The following PARG variants were observed in gnomAD, a reference collection of about 807,000 sequenced individuals.
PARG encodes the protein mitochondrial poly(ADP-ribose) glycohydrolase.
In PARG, 35 loss-of-function variants were observed where a neutral mutation model predicts 113.0. The ratio of observed to expected loss-of-function variants is 0.31; its 90% confidence interval spans 0.24 to 0.41. PARG has a LOEUF of 0.41. Ranked by LOEUF, PARG falls within the 10% of genes least tolerant of loss-of-function variation. The probability of loss-of-function intolerance (pLI) is 1.00; values close to 1 mark genes in which losing one functional copy is unlikely to be tolerated. For missense variants in PARG, 797 were observed against 1,169.4 expected, an observed-to-expected ratio of 0.68 and a Z score of 4.64; for synonymous variants, 330 against 409.9, an observed-to-expected ratio of 0.81 and a Z score of 2.36.
chr10:49,890,445 AC>A (rs1847716457), intron 7 of PARG, among the ~76,000 whole-genome samples: 1 of 152,202 alleles, frequency 6.6e-6, no homozygotes, highest in Admixed American at 6.5e-5. Flanking sequence ...TGGCTGATAA[AC>A]AAATACCTGA....
chr10:49,858,921 A>G lies in PARG; in HGVS notation c.2206-1468T>C, dbSNP rs551121761. 3.3e-5 allele frequency among the ~76,000 whole-genome samples: 5 copies of G among 152,288 alleles called. No homozygotes were observed. In the East Asian group the frequency reaches 9.6e-4, roughly 29 times the overall value. On this transcript the variant is annotated intron_variant, in intron 12 of 17. Transcript: ENST00000616448. Reference sequence around the variant, plus strand: ...GAATCACTGGATACAAAGATGAATAAGGTATGTATGGTTCCTGGCCTCACG... The same window carrying G: ...GAATCACTGGATACAAAGATGAATAGGGTATGTATGGTTCCTGGCCTCACG...
intron 7 of PARG, among the ~76,000 whole-genome samples, chr10:49,912,675 G>A (rs1469390421): frequency 6.8e-6 from 1 of 147,636 alleles, no homozygotes; most frequent in Non-Finnish European, 1.5e-5. Flanking sequence ...AATAAAGAAC[G>A]CTTTATAGGC....
At chr10:49,887,707 T>C (rs1264421870) in intron 7 of PARG, among the ~76,000 whole-genome samples, 1 of 152,164 alleles carries the variant, frequency 6.6e-6, no homozygotes, top group Non-Finnish European at 1.5e-5. Flanking sequence ...CAATTTCACC[T>C]ACTGAGAGGC....
At chr10:49,821,569 A>G (rs1844079329) in intron 16 of PARG, among the ~76,000 whole-genome samples, 1 of 152,060 alleles carries the variant, frequency 6.6e-6, no homozygotes, top group Non-Finnish European at 1.5e-5. Context: ...TAGTAAAGAC[A>G]CGGTTTCACC....
chr10:49,927,369 G>GGAAAGAAAGAAAGAAAGAAA lies in PARG; in HGVS notation c.1455+4711_1456-4701dup, dbSNP rs200282973. 9.9e-4 allele frequency among the ~76,000 whole-genome samples: 130 copies of GGAAAGAAAGAAAGAAAGAAA among 130,760 alleles called. 1 individual carries two copies. Among genetic ancestry groups the GGAAAGAAAGAAAGAAAGAAA allele is most frequent in the Middle Eastern group, 3.8e-3 (1 of 266 alleles). 85.8% of individuals were successfully genotyped at this position (130,760 alleles called of 152,430 possible). The stretch of plus-strand genomic sequence containing the variant: ...AGGAAGGAAAGAAAGAAGGAAAGAA[G>GGAAAGAAAGAAAGAAAGAAA]GAAAGAAAGAAAGAAAGAAAGAAAG... On this transcript the variant is annotated intron_variant, in intron 4 of 17. Transcript: ENST00000616448.
chr10:49,890,260 G>A (rs754081828), intron 7 of PARG, among the ~76,000 whole-genome samples: 3 of 152,070 alleles, frequency 2.0e-5, no homozygotes, highest in Non-Finnish European at 4.4e-5. Flanking sequence ...TGATCTGTGC[G>A]TGTGCGCGTG....
At chr10:49,891,624 T>TATATA (rs1491390977) in intron 7 of PARG, among the ~76,000 whole-genome samples, 1 of 43,366 alleles carries the variant, frequency 2.3e-5, no homozygotes, top group African/African-American at 1.1e-4. Context: ...TATATATATA[T>TATATA]TTTTTTTTTT....
At chr10:49,822,535 A>C (rs577411259) in intron 16 of PARG, among the ~76,000 whole-genome samples, 12 of 152,368 alleles carry the variant, frequency 7.9e-5, no homozygotes, top group Admixed American at 7.2e-4. Context: ...GGAGAAAGCC[A>C]AAGACTAACT....
At chr10:49,937,430 C>G (rs1344229230) in intron 1 of PARG, among the ~76,000 whole-genome samples, 1 of 151,028 alleles carries the variant, frequency 6.6e-6, no homozygotes, top group Non-Finnish European at 1.5e-5. Context: ...GAGCGGAGAT[C>G]GCGCCACTGC....
chr10:49,903,364 G>T (rs532243233), intron 7 of PARG, among the ~76,000 whole-genome samples: 7 of 152,204 alleles, frequency 4.6e-5, no homozygotes, highest in African/African-American at 1.7e-4. Flanking sequence ...AGTTGCAAAT[G>T]ATCAACTATC....
intron 15 of PARG, among the ~76,000 whole-genome samples, 179 bp downstream of exon 15, chr10:49,841,771 A>G (rs1845251083): frequency 6.6e-6 from 1 of 152,240 alleles, no homozygotes; most frequent in African/African-American, 2.4e-5. Flanking sequence ...GCTGCGAATC[A>G]AACAATTACA....
Position 49,884,268 on chromosome 10 carries a change from T to C in PARG, c.1830+935A>G, listed in dbSNP as rs530422543. Among the ~76,000 whole-genome samples the C allele has an allele frequency of 1.6e-4, 25 of 152,370 alleles. No individual in the cohort carries two copies. The South Asian group carries it at 4.1e-3, about 25-fold the overall frequency. ...ACATAATTTGTTATGTAGCAATATA[T>C]AATTAACGTACTCCAAACAAAATAA... On this transcript the variant is annotated intron_variant, in intron 8 of 17. Coordinates refer to ENST00000616448, the MANE Select transcript of PARG (RefSeq NM_003631.5).
At chr10:49,862,384 T>C (rs1370464658) in intron 11 of PARG, among the ~76,000 whole-genome samples, 2 of 151,214 alleles carry the variant, frequency 1.3e-5, no homozygotes, top group Non-Finnish European at 3.0e-5. Flanking sequence ...AGATCCAAAG[T>C]TCTAACTCAC....
intron 8 of PARG, among the ~76,000 whole-genome samples, chr10:49,880,315 CTCACAATT>C (rs1459111933): frequency 1.3e-5 from 2 of 152,082 alleles, no homozygotes; most frequent in Non-Finnish European, 2.9e-5. Flanking sequence ...ACACTTCATA[CTCACAATT>C]TCTTTATAAG....
chr10:49,819,274 A>G lies in PARG; in HGVS notation c.*66T>C. 7.7e-7 allele frequency: 1 copy of G among 1,295,700 alleles called. No individual in the cohort carries two copies. Among genetic ancestry groups the G allele is most frequent in the Non-Finnish European group, 1.1e-6 (1 of 934,022 alleles). The allele number at this position is 1,295,700 out of a possible 1,614,324, so 80.3% of individuals were successfully genotyped here. ...ATTAACTTAAGTCAATTCATATATT[A>G]CACCTGACAGCTCAAACAGGACGTC... On this transcript the variant is annotated 3_prime_UTR_variant, in exon 18 of 18. Transcript: ENST00000616448.
At chr10:49,864,924 AC>A (rs1348426656) in intron 11 of PARG, among the ~76,000 whole-genome samples, 2 of 148,816 alleles carry the variant, frequency 1.3e-5, no homozygotes, top group Non-Finnish European at 3.0e-5. Flanking sequence ...TAATAAAAAG[AC>A]TTTTCTCAAT....
intron 7 of PARG, among the ~76,000 whole-genome samples, chr10:49,893,277 A>G (rs1343455408): frequency 1.4e-4 from 22 of 152,204 alleles, no homozygotes; most frequent in African/African-American, 5.3e-4. Context: ...CTGCAGGCTA[A>G]TATCTTATTC....
chr10:49,898,867 C>A (rs1423044968), intron 7 of PARG, among the ~76,000 whole-genome samples: 2 of 151,948 alleles, frequency 1.3e-5, no homozygotes, highest in Non-Finnish European at 2.9e-5. Flanking sequence ...AAGTAATTCT[C>A]CCTCTTGTAA....
chr10:49,835,157 T>G (rs1165524621), intron 15 of PARG, among the ~76,000 whole-genome samples: 1 of 152,028 alleles, frequency 6.6e-6, no homozygotes, highest in Non-Finnish European at 1.5e-5. Context: ...GAGATAAGGA[T>G]AGAGACCTTA....
Sources: allele counts gnomAD v4.1 joint callset (sites outside exome capture counted in the v4.1 genomes callset), GRCh38; gene constraint gnomAD v4.1.1; transcripts MANE v1.5; gene names NCBI Gene and HGNC (gene_info 2026-07-23, HGNC 2026-07-21).